The following SMARCA4 variants were observed in gnomAD, a reference collection of about 807,000 sequenced individuals.
The protein encoded by SMARCA4 is SWI/SNF related BAF chromatin remodeling complex subunit ATPase 4.
Under a neutral mutation model 193.9 loss-of-function variants are expected in SMARCA4, and 31 were observed. The ratio of observed to expected loss-of-function variants is 0.16; its 90% CI spans 0.12 to 0.22. The LOEUF (loss-of-function observed/expected upper bound fraction) is 0.22, where lower values mean the gene tolerates loss of function less well. SMARCA4 is among the 10% of genes least tolerant of loss of function. The pLI, the probability that SMARCA4 is intolerant of heterozygous loss-of-function variation, is 1.00. For synonymous variants in SMARCA4, 942 were observed against 933.1 expected (o/e 1.01, Z -0.17); for missense variants, 1,148 against 2,296.0 (o/e 0.50, Z 10.22).
At chr19:11,059,658 G>A (rs2147109219) in intron 32 of SMARCA4, 95 bp from the exon 33 acceptor site, 1 of 1,399,910 alleles carries the variant, frequency 7.1e-7, no homozygotes, top group Non-Finnish European at 9.9e-7. Context: ...GCTGTCCAGG[G>A]GCAACACAGG....
intron 15 of SMARCA4, chr19:11,012,454 T>C (rs2088943817): frequency 5.2e-6 from 1 of 192,222 alleles, no homozygotes; most frequent in Non-Finnish European, 1.1e-5. Context: ...CATAACGTTA[T>C]CTTCAGTTTG....
Position 11,058,464 on chromosome 19 carries a change from G to C in SMARCA4, c.4533+101G>C. The C allele has an allele frequency of 1.2e-6, 1 of 868,662 alleles. No individual in the cohort carries two copies. Among genetic ancestry groups the C allele is most frequent in the Non-Finnish European group, 1.9e-6 (1 of 526,770 alleles). The allele number at this position is 868,662 out of a possible 1,614,324, so 53.8% of individuals were successfully genotyped here. A position where few individuals can be genotyped will look rare whatever the true frequency, so the allele number is the denominator to read the frequency against. ...CTGTGGTGTGTGGGCAGAATGACCA[G>C]AAACCACCTAGGCGGTGCCTTGGGC... On this transcript the variant is annotated intron_variant, in intron 31 of 34. Coordinates refer to ENST00000344626, the MANE Select transcript of SMARCA4 (RefSeq NM_003072.5). The surrounding 1 kb of genome is among the most constrained non-coding windows in gnomAD (Gnocchi z 5.8).
In SMARCA4 at chr19:11,030,413, C is replaced by T. The variant is rs1205262680; in HGVS notation, c.3383-317C>T. ...GAATCCAGGGCTGTGGTGGTGGTGG[C>T]TGTGCTGACGCTGGACGCTGTGGCC... On this transcript the variant is annotated intron_variant, in intron 24 of 34. Coordinates refer to ENST00000344626, the MANE Select transcript of SMARCA4 (RefSeq NM_003072.5). This position sits in a 1 kb window ranked among gnomAD's most constrained non-coding sequence, Gnocchi z 5.5. 6.6e-6 allele frequency among the ~76,000 whole-genome samples: 1 copy of T among 152,162 alleles called. No homozygotes were observed. Among genetic ancestry groups the T allele is most frequent in the African/African-American group, 2.4e-5 (1 of 41,434 alleles).
rs2146669587 is a variant in SMARCA4, at chr19:11,033,885, C to A, written c.3873+20C>A. 1.3e-6 allele frequency: 1 copy of A among 776,474 alleles called. No homozygotes were observed. Among genetic ancestry groups the A allele is most frequent in the South Asian group, 1.3e-5 (1 of 74,468 alleles). The allele number at this position is 776,474 out of a possible 1,614,324, so 48.1% of individuals were successfully genotyped here. On this transcript the variant is annotated intron_variant, in intron 27 of 34. Coordinates refer to ENST00000344626, the MANE Select transcript of SMARCA4 (RefSeq NM_003072.5). This position sits in a 1 kb window ranked among gnomAD's most constrained non-coding sequence, Gnocchi z 9.8. The stretch of plus-strand genomic sequence containing the variant: ...CTAAAGGTGAGAGGGGTAGTTCAGT[C>A]TCCATGCCCATTCAATCCTCGGCTT...
At chr19:10,961,972 ATTTTTT>A (rs1291248772) in intron 1 of SMARCA4, among the ~76,000 whole-genome samples, 19 of 121,774 alleles carry the variant, frequency 1.6e-4, no homozygotes, top group Admixed American at 1.5e-3. Flanking sequence ...ACCAGTCTTG[ATTTTTT>A]TTTTTTTTTT....
chr19:11,000,306 G>A (rs900303949), intron 11 of SMARCA4, among the ~76,000 whole-genome samples: 3 of 151,952 alleles, frequency 2.0e-5, no homozygotes, highest in African/African-American at 7.3e-5. Flanking sequence ...GGTTGCTAAG[G>A]TGGGTGGATC....
intron 21 of SMARCA4, among the ~76,000 whole-genome samples, chr19:11,024,956 A>G (rs1811875360): frequency 1.3e-5 from 2 of 148,994 alleles, no homozygotes; most frequent in Non-Finnish European, 3.0e-5. Flanking sequence ...TGTGTTCCCT[A>G]GTCCATTCCC....
At chr19:10,990,726 T>G (rs2086482869) in intron 7 of SMARCA4, among the ~76,000 whole-genome samples, 3 of 152,236 alleles carry the variant, frequency 2.0e-5, no homozygotes, top group Admixed American at 1.3e-4. Context: ...TAGTTAATTT[T>G]TCTTCTAGTT....
rs1568511877 is a variant in SMARCA4 at position 11,034,099 on chromosome 19, C to T, written c.3874-24C>T. On this transcript the variant is annotated intron_variant, in intron 27 of 34. Coordinates refer to ENST00000344626, the MANE Select transcript of SMARCA4 (RefSeq NM_003072.5). This position sits in a 1 kb window ranked among gnomAD's most constrained non-coding sequence, Gnocchi z 7.0. ...GCCCACCCCGGCCCCTCCTCAGCGG[C>T]ACTGACAGTTTGCAATCTTATAGGA... The T allele has an allele frequency of 3.8e-6, 6 of 1,598,924 alleles. No homozygotes were observed. The highest frequency in any genetic ancestry group is 4.3e-6 in the Non-Finnish European group (5 of 1,166,916).
At chr19:10,994,545 C>T (rs2145930412) in intron 8 of SMARCA4, among the ~76,000 whole-genome samples, 1 of 151,704 alleles carries the variant, frequency 6.6e-6, no homozygotes, top group East Asian at 1.9e-4. Flanking sequence ...GTCTCGATCT[C>T]CTGACCTCAT....
rs746699196 is a variant in SMARCA4 at position 11,058,859 on chromosome 19, C to T, written c.4605C>T (p.Asn1535=). ...LEKDVMLLCQ[N]AQTFNLEGSL... ...AGGACGTCATGCTCCTGTGCCAGAACGCACAGACCTTCAACCTGGAGGGCT... is the reference window on the plus strand; with the variant it reads ...AGGACGTCATGCTCCTGTGCCAGAATGCACAGACCTTCAACCTGGAGGGCT... Residue 1535 remains asparagine (N), a synonymous_variant, in exon 32 of 35, where the codon AAC becomes AAT. Transcript: ENST00000344626. This position sits in a 1 kb window ranked among gnomAD's most constrained non-coding sequence, Gnocchi z 5.8. The T allele has an allele frequency of 2.8e-5, 46 of 1,614,048 alleles. No homozygotes were observed. The highest frequency in any genetic ancestry group is 5.5e-5 in the South Asian group (5 of 91,084).
intron 11 of SMARCA4, among the ~76,000 whole-genome samples, chr19:11,001,706 AT>A (rs1318608711): frequency 1.3e-5 from 2 of 152,156 alleles, no homozygotes; most frequent in Non-Finnish European, 2.9e-5. Flanking sequence ...AGAGACTGAT[AT>A]CCCTCCGCTG....
At position 11,033,742 on chromosome 19, in the gene SMARCA4, A is replaced by G; in HGVS notation, c.3775-25A>G. The stretch of plus-strand genomic sequence containing the variant: ...AGACGCCGGATTGACAGCCCTGGAG[A>G]CTGAAGTCCTCTATTTATCCACAGA... On this transcript the variant is annotated intron_variant, in intron 26 of 34. Transcript: ENST00000344626. This position sits in a 1 kb window ranked among gnomAD's most constrained non-coding sequence, Gnocchi z 9.8. 1 of 779,810 alleles carries G rather than the reference A, an allele frequency of 1.3e-6. No individual in the cohort carries two copies. The highest frequency in any genetic ancestry group is 2.4e-6 in the Non-Finnish European group (1 of 418,464). The allele number at this position is 779,810 out of a possible 1,614,324, so 48.3% of individuals were successfully genotyped here. A position where few individuals can be genotyped will look rare whatever the true frequency, so the allele number is the denominator to read the frequency against.
chr19:11,051,513 A>T (rs2076257657), intron 30 of SMARCA4, among the ~76,000 whole-genome samples: 1 of 140,044 alleles, frequency 7.1e-6, no homozygotes, highest in Non-Finnish European at 1.5e-5. Context: ...TTTTTTTGAG[A>T]CAGAGTCTCA....
intron 34 of SMARCA4, chr19:11,060,434 C>A: frequency 1.7e-6 from 1 of 589,100 alleles, no homozygotes; most frequent in South Asian, 1.9e-5. Context: ...GACTGGGGGA[C>A]ACGTGAGTCC....
At chr19:11,056,320 CAT>C (rs2076544737) in intron 30 of SMARCA4, 1 of 152,198 alleles carries the variant, frequency 6.6e-6, no homozygotes, top group South Asian at 2.1e-4. Flanking sequence ...CCAGCCCGCT[CAT>C]AGGAAAAAGG....
intron 11 of SMARCA4, among the ~76,000 whole-genome samples, chr19:11,002,075 C>T (rs1034821000): frequency 2.0e-5 from 3 of 152,138 alleles, no homozygotes; most frequent in African/African-American, 7.2e-5. Context: ...GTGGAAACGT[C>T]TAAGTCCTTG....
intron 1 of SMARCA4, among the ~76,000 whole-genome samples, chr19:10,969,949 TCTC>T (rs2084545138): frequency 6.6e-6 from 1 of 152,124 alleles, no homozygotes; most frequent in Non-Finnish European, 1.5e-5. Flanking sequence ...GCCTGTGACT[TCTC>T]CCCTATGCCC....
At position 11,030,017 on chromosome 19, in the gene SMARCA4, G is replaced by A. The variant is rs2074809603; in HGVS notation, c.3383-713G>A. On this transcript the variant is annotated intron_variant, in intron 24 of 34. Transcript: ENST00000344626. The surrounding 1 kb of genome is among the most constrained non-coding windows in gnomAD (Gnocchi z 5.5). ...ATCACCAAAATGACTTCAGTGTTCA[G>A]GGGCACCTCTGTCCGAACTCCCAGC... is the stretch of plus-strand genomic sequence containing the variant. 6.6e-6 allele frequency among the ~76,000 whole-genome samples: 1 copy of A among 152,104 alleles called. No homozygotes were observed. Among genetic ancestry groups the A allele is most frequent in the Non-Finnish European group, 1.5e-5 (1 of 68,024 alleles).
Sources: allele counts gnomAD v4.1 joint callset (sites outside exome capture counted in the v4.1 genomes callset), GRCh38; gene constraint gnomAD v4.1.1; non-coding constraint Gnocchi (gnomAD v3.1); transcripts MANE v1.5; gene names NCBI Gene and HGNC (gene_info 2026-07-23, HGNC 2026-07-21).